The following GPR158 variants were observed in gnomAD, a reference collection of about 807,000 sequenced individuals.
GPR158 encodes the protein G protein-coupled receptor 158.
In GPR158, 30 loss-of-function variants were observed where a neutral mutation model predicts 78.2. That is an observed-to-expected ratio of 0.38 (90% confidence interval 0.29 to 0.52). The LOEUF is 0.52. Ranked by LOEUF, GPR158 falls within the 20% of genes least tolerant of loss-of-function variation. GPR158 has a pLI of 0.83. For missense variants in GPR158, 1,463 were observed against 1,523.5 expected (o/e 0.96, Z 0.66); for synonymous variants, 581 against 591.1 (o/e 0.98, Z 0.25).
At position 25,598,218 on chromosome 10, in the gene GPR158, C is replaced by T; in HGVS notation, c.2592C>T (p.Asp864=). The change falls in exon 11 of 11, where the codon GAC becomes GAT. Residue 864 remains aspartate (D), a synonymous_variant. Coordinates refer to ENST00000376351, the MANE Select transcript of GPR158 (RefSeq NM_020752.3). ...AACTAACACAAAAACTAAAAGAAGA[C>T]AGCGAGGCTGAGTCCACGGAGTCGG... is the stretch of plus-strand genomic sequence containing the variant. ...GKKLTQKLKE[D]SEAESTESVP... The T allele has an allele frequency of 1.2e-6, 2 of 1,614,078 alleles. No individual in the cohort carries two copies. The highest frequency in any genetic ancestry group is 1.7e-6 in the Non-Finnish European group (2 of 1,179,988).
In GPR158 at chr10:25,572,825, C is replaced by T; in HGVS notation, c.1691C>T (p.Thr564Ile). 1 of 1,613,876 alleles carries T rather than the reference C, an allele frequency of 6.2e-7. No individual in the cohort carries two copies. Reference protein sequence around the residue: ...KQISLIGQGKTSDHLIFNMCL... With the variant: ...KQISLIGQGKISDHLIFNMCL... ...ATTTCACTTATTGGCCAGGGGAAAACATCCGATCACCTCATCTTCAATATG... is the reference window on the plus strand; with the variant it reads ...ATTTCACTTATTGGCCAGGGGAAAATATCCGATCACCTCATCTTCAATATG... The change falls in exon 7 of 11, where the codon ACA becomes ATA. Residue 564 changes from threonine (T) to isoleucine (I), a missense_variant. Transcript: ENST00000376351.
intron 2 of GPR158, among the ~76,000 whole-genome samples, chr10:25,259,148 A>G (rs1200771015): frequency 4.6e-5 from 7 of 152,162 alleles, no homozygotes; most frequent in Non-Finnish European, 8.8e-5. Flanking sequence ...GCAGAGGAAA[A>G]TCCACATATA....
intron 4 of GPR158, among the ~76,000 whole-genome samples, chr10:25,441,106 A>C (rs568766601): frequency 6.6e-6 from 1 of 152,208 alleles, no homozygotes; most frequent in African/African-American, 2.4e-5. Flanking sequence ...CATAATTACT[A>C]TGGGGGTTAT....
At chr10:25,567,163 C>T (rs1197943781) in intron 6 of GPR158, among the ~76,000 whole-genome samples, 3 of 152,088 alleles carry the variant, frequency 2.0e-5, no homozygotes, top group African/African-American at 4.8e-5. Flanking sequence ...AGAAGAGATA[C>T]TGCAAAATCA....
intron 2 of GPR158, among the ~76,000 whole-genome samples, chr10:25,229,164 C>T (rs148362553): frequency 6.9e-4 from 105 of 152,174 alleles, no homozygotes; most frequent in African/African-American, 2.5e-3. Flanking sequence ...TTGGTGGTGT[C>T]TCTATCTAGA....
chr10:25,551,831 G>A (rs1564487541), intron 6 of GPR158, among the ~76,000 whole-genome samples: 1 of 152,110 alleles, frequency 6.6e-6, no homozygotes, highest in African/African-American at 2.4e-5. Context: ...TCCCTGCAGG[G>A]TAGAACTGTA....
intron 4 of GPR158, among the ~76,000 whole-genome samples, chr10:25,465,843 T>C (rs1042186853): frequency 1.3e-5 from 2 of 152,180 alleles, no homozygotes; most frequent in African/African-American, 4.8e-5. Context: ...AGATCTCGTT[T>C]GTAAATTTCG....
At chr10:25,588,930 TA>T in intron 7 of GPR158, 76 bp from the exon 8 acceptor site, 1 of 1,057,270 alleles carries the variant, frequency 9.5e-7, no homozygotes, top group Non-Finnish European at 1.3e-6. Flanking sequence ...TGTTGAATAA[TA>T]AACAAAATGC....
At chr10:25,380,572 A>C (rs923444676) in intron 2 of GPR158, among the ~76,000 whole-genome samples, 4 of 152,122 alleles carry the variant, frequency 2.6e-5, no homozygotes, top group African/African-American at 7.2e-5. Context: ...ACAATTACTT[A>C]GTTGTAAGTT....
intron 2 of GPR158, among the ~76,000 whole-genome samples, chr10:25,380,158 C>T (rs1318255533): frequency 6.6e-6 from 1 of 152,084 alleles, no homozygotes; most frequent in Non-Finnish European, 1.5e-5. Context: ...GGGAACATTG[C>T]AGTGAAGAAG....
At chr10:25,552,433 C>G (rs1288005995) in intron 6 of GPR158, among the ~76,000 whole-genome samples, 2 of 152,140 alleles carry the variant, frequency 1.3e-5, no homozygotes, top group African/African-American at 4.8e-5. Flanking sequence ...TCTAGAAACC[C>G]TGAAAGAGTA....
At chr10:25,278,146 T>G (rs1854212085) in intron 2 of GPR158, among the ~76,000 whole-genome samples, 1 of 152,060 alleles carries the variant, frequency 6.6e-6, no homozygotes, top group Non-Finnish European at 1.5e-5. Context: ...GTTTAGATTT[T>G]AAAACACTTC....
At chr10:25,531,691 G>A (rs893661206) in intron 5 of GPR158, among the ~76,000 whole-genome samples, 5 of 152,138 alleles carry the variant, frequency 3.3e-5, no homozygotes, top group African/African-American at 9.7e-5. Context: ...CCTCATGCTC[G>A]CTTTAGACAG....
At chr10:25,339,086 G>A (rs1305155748) in intron 2 of GPR158, among the ~76,000 whole-genome samples, 1 of 149,574 alleles carries the variant, frequency 6.7e-6, no homozygotes, top group Non-Finnish European at 1.5e-5. Context: ...TGCAGCTCAA[G>A]TGATTCTCCT....
At chr10:25,555,064 G>T (rs1352872971) in intron 6 of GPR158, among the ~76,000 whole-genome samples, 1 of 151,876 alleles carries the variant, frequency 6.6e-6, no homozygotes, top group African/African-American at 2.4e-5. Flanking sequence ...AGAAGGGGAG[G>T]GAGGGAGGAA....
At chr10:25,396,436 C>T (rs1288049003) in intron 3 of GPR158, among the ~76,000 whole-genome samples, 5 of 152,120 alleles carry the variant, frequency 3.3e-5, no homozygotes, top group African/African-American at 4.8e-5. Context: ...CGTTATCATA[C>T]GGTTCCCATT....
At chr10:25,409,096 G>A (rs1834554085) in intron 3 of GPR158, among the ~76,000 whole-genome samples, 1 of 152,212 alleles carries the variant, frequency 6.6e-6, no homozygotes. Flanking sequence ...CTGCCAGGGA[G>A]TGAAGGCTGC....
At chr10:25,511,295 A>G (rs1051884526) in intron 5 of GPR158, among the ~76,000 whole-genome samples, 12 of 152,186 alleles carry the variant, frequency 7.9e-5, no homozygotes, top group African/African-American at 1.2e-4. Context: ...CCTGATCATT[A>G]GTGATGTTGA....
At chr10:25,577,601 C>T (rs112587274) in intron 7 of GPR158, among the ~76,000 whole-genome samples, 14 of 152,178 alleles carry the variant, frequency 9.2e-5, no homozygotes, top group African/African-American at 3.1e-4. Context: ...ATTGAAAGAC[C>T]GGGCTCATTC....
Sources: allele counts gnomAD v4.1 joint callset (sites outside exome capture counted in the v4.1 genomes callset), GRCh38; gene constraint gnomAD v4.1.1; transcripts MANE v1.5; gene names NCBI Gene and HGNC (gene_info 2026-07-23, HGNC 2026-07-21).